Variants in ROS1 observed in about 807,000 individuals in gnomAD.
ROS1 encodes the protein proto-oncogene tyrosine-protein kinase ROS.
In ROS1, 263 loss-of-function variants were observed where a neutral mutation model predicts 273.5. The observed-to-expected ratio is 0.96, with a 90% CI of 0.87 to 1.06. The LOEUF (loss-of-function observed/expected upper bound fraction) is 1.06, where lower values mean the gene tolerates loss of function less well. Among genes scored for constraint, ROS1 ranks in the 50% least tolerant of loss-of-function variants. The probability of loss-of-function intolerance (pLI) is 0.00; values close to 1 mark genes in which losing one functional copy is unlikely to be tolerated. For missense variants in ROS1, 2,833 were observed against 2,751.1 expected, an observed-to-expected ratio of 1.03 and a Z score of -0.67; for synonymous variants, 1,008 against 954.1, an observed-to-expected ratio of 1.06 and a Z score of -1.04.
At chr6:117,384,881 C>A (rs1043393948) in intron 16 of ROS1, among the ~76,000 whole-genome samples, 1 of 152,158 alleles carries the variant, frequency 6.6e-6, no homozygotes, top group Non-Finnish European at 1.5e-5. Context: ...CCTTGCCAGA[C>A]CATACATCTT....
At chr6:117,364,952 C>T (rs1780085431) in intron 21 of ROS1, 108 bp downstream of exon 21, 2 of 1,071,706 alleles carry the variant, frequency 1.9e-6, no homozygotes, top group Admixed American at 2.4e-5. Flanking sequence ...TGAATCTAAA[C>T]ACATCTATAA....
At chr6:117,348,109 A>AT (rs565342771) in intron 27 of ROS1, among the ~76,000 whole-genome samples, 23 of 152,126 alleles carry the variant, frequency 1.5e-4, no homozygotes, top group African/African-American at 5.5e-4. Flanking sequence ...CATTGGCCTA[A>AT]TTGGAAGTAG....
intron 37 of ROS1, among the ~76,000 whole-genome samples, chr6:117,319,568 T>C (rs562771205): frequency 2.0e-5 from 3 of 152,270 alleles, no homozygotes; most frequent in African/African-American, 4.8e-5. Context: ...ACCTTAAGAA[T>C]GTGTTTCACA....
chr6:117,356,237 T>C (rs879439426), intron 26 of ROS1, among the ~76,000 whole-genome samples: 10 of 152,228 alleles, frequency 6.6e-5, no homozygotes, highest in Non-Finnish European at 1.5e-4. Context: ...TCTAACTAAC[T>C]GTGGCCCTTG....
intron 26 of ROS1, among the ~76,000 whole-genome samples, chr6:117,353,934 T>C (rs1372899551): frequency 6.6e-6 from 1 of 152,238 alleles, no homozygotes; most frequent in East Asian, 1.9e-4. Flanking sequence ...AGTGTCTTTA[T>C]GGGGGCAATA....
chr6:117,378,893 C>A (rs373822087), intron 18 of ROS1, among the ~76,000 whole-genome samples, 166 bp downstream of exon 18: 4 of 152,202 alleles, frequency 2.6e-5, no homozygotes, highest in African/African-American at 9.6e-5. Context: ...CCATATTCTA[C>A]TGTAACTAGT....
intron 31 of ROS1, among the ~76,000 whole-genome samples, chr6:117,339,581 CTCA>C (rs1295120271): frequency 2.6e-5 from 4 of 152,106 alleles, no homozygotes; most frequent in Admixed American, 1.3e-4. Flanking sequence ...CTATATAGCA[CTCA>C]TCAACCCTTG....
chr6:117,308,920 C>T lies in ROS1; in HGVS notation c.6425G>A (p.Gly2142Glu), dbSNP rs2128546417. ...FTTQSDVWSFGILIWEILTLG... is the reference protein window; with the variant it reads ...FTTQSDVWSFEILIWEILTLG... ...AGTTAAAATCTCCCAAATCAGAATT[C>T]CAAAAGACCTAAGAATAGTAGAGGG... Residue 2142 changes from glycine to glutamate, a missense_variant, in exon 42 of 44, where the codon GGA (glycine) becomes GAA (glutamate). By Grantham distance (98) the Gly-to-Glu change is moderately conservative (BLOSUM62 -2). Transcript: ENST00000368507. The T allele has an allele frequency of 6.2e-7, 1 of 1,612,498 alleles. No homozygotes were observed. Among genetic ancestry groups the T allele is most frequent in the Non-Finnish European group, 8.5e-7 (1 of 1,179,184 alleles).
intron 23 of ROS1, 43 bp downstream of exon 23, chr6:117,360,299 C>CACACAG: frequency 6.9e-7 from 1 of 1,455,518 alleles, no homozygotes; most frequent in Non-Finnish European, 9.6e-7. Flanking sequence ...CACACACACA[C>CACACAG]GCCTCTAAAT....
intron 4 of ROS1, among the ~76,000 whole-genome samples, chr6:117,410,029 A>G (rs1321798): frequency 0.54 from 81,539 of 152,070 alleles, 22,563 homozygotes; most frequent in South Asian, 0.68. Flanking sequence ...TAAAGTACAC[A>G]GTTCAGTGCT....
intron 18 of ROS1, among the ~76,000 whole-genome samples, chr6:117,373,651 C>T (rs1781066923): frequency 1.3e-5 from 2 of 152,204 alleles, no homozygotes; most frequent in African/African-American, 2.4e-5. Context: ...AGCCCTGGTT[C>T]CCACCTGCGT....
intron 25 of ROS1, 134 bp downstream of exon 25, chr6:117,357,670 A>G (rs1292813671): frequency 3.2e-6 from 2 of 615,706 alleles, no homozygotes; most frequent in Admixed American, 3.0e-5. Flanking sequence ...ACTACTTACT[A>G]TAATATAGTG....
Position 117,288,441 on chromosome 6 carries a change from A to G in ROS1, c.*51T>C, listed in dbSNP as rs2128520331. 1 of 1,393,936 alleles carries G rather than the reference A, an allele frequency of 7.2e-7. No homozygotes were observed. The allele number at this position is 1,393,936 out of a possible 1,614,324, so 86.3% of individuals were successfully genotyped here. ...ATTCTAGCAGAGTTTTCTTTCAGTAACTACTGAATGAGAGTGTTTATCTCA... is the reference window on the plus strand; with the variant it reads ...ATTCTAGCAGAGTTTTCTTTCAGTAGCTACTGAATGAGAGTGTTTATCTCA... On this transcript the variant is annotated 3_prime_UTR_variant, in exon 44 of 44. Transcript: ENST00000368507.
intron 32 of ROS1, among the ~76,000 whole-genome samples, chr6:117,334,964 T>C (rs9481701): frequency 0.043 from 6,611 of 152,156 alleles, 238 homozygotes; most frequent in African/African-American, 0.1. Flanking sequence ...CCAAAAGCAA[T>C]GGCAACAAAA....
At chr6:117,423,431 A>T (rs1775904261) in intron 1 of ROS1, among the ~76,000 whole-genome samples, 1 of 152,238 alleles carries the variant, frequency 6.6e-6, no homozygotes, top group African/African-American at 2.4e-5. Context: ...TCCACAAATG[A>T]TTCAACCGTG....
intron 3 of ROS1, 61 bp downstream of exon 3, chr6:117,416,197 T>C: frequency 9.7e-7 from 1 of 1,026,460 alleles, no homozygotes; most frequent in South Asian, 1.3e-5. Context: ...GGAATCCTCT[T>C]ACACAAATTT....
chr6:117,335,228 C>T (rs545816414), intron 32 of ROS1, among the ~76,000 whole-genome samples: 6 of 152,158 alleles, frequency 3.9e-5, no homozygotes, highest in South Asian at 2.1e-4. Context: ...AGCCAATAAA[C>T]GTATGAAAAA....
intron 8 of ROS1, 77 bp from the exon 9 acceptor site, chr6:117,396,341 A>G: frequency 9.8e-7 from 1 of 1,020,320 alleles, no homozygotes; most frequent in Non-Finnish European, 1.5e-6. Context: ...AAGGAGCAAT[A>G]ACATTTCTAT....
At chr6:117,294,536 T>C (rs897358527) in intron 43 of ROS1, among the ~76,000 whole-genome samples, 8 of 152,200 alleles carry the variant, frequency 5.3e-5, no homozygotes, top group Non-Finnish European at 8.8e-5. Flanking sequence ...TGAGAACTTT[T>C]GCATCTGTGT....
Sources: gnomAD v4.1 joint callset for allele counts (sites outside exome capture counted in the v4.1 genomes callset) on GRCh38, gnomAD v4.1.1 for gene constraint, MANE v1.5 for transcripts, NCBI Gene and HGNC (gene_info 2026-07-23, HGNC 2026-07-21) for gene names.